The following OSBPL8 variants were observed in gnomAD, a reference collection of about 807,000 sequenced individuals.
The protein encoded by OSBPL8 is oxysterol binding protein like 8.
In OSBPL8, 59 loss-of-function variants were observed where a neutral mutation model predicts 125.5. The observed-to-expected ratio is 0.47, with a 90% CI of 0.38 to 0.58. The LOEUF (loss-of-function observed/expected upper bound fraction) is 0.58, where lower values mean the gene tolerates loss of function less well. Ranked by LOEUF, OSBPL8 falls within the 20% of genes least tolerant of loss-of-function variation. OSBPL8 has a pLI of 0.00. For missense variants in OSBPL8, 758 were observed against 1,047.8 expected (o/e 0.72, Z 3.82); for synonymous variants, 330 against 338.9 (o/e 0.97, Z 0.29).
chr12:76,356,162 T>TGGGGGGGGGGTTGGGGGGG, intron 23 of OSBPL8, 141 bp from the exon 24 acceptor site: 2 of 131,274 alleles, frequency 1.5e-5, no homozygotes, highest in Non-Finnish European at 3.1e-5. Flanking sequence ...TATGTAGGGG[T>TGGGGGGGGGGTTGGGGGGG]GGGGGGGGGC....
At chr12:76,443,975 T>G (rs1872493986) in intron 4 of OSBPL8, among the ~76,000 whole-genome samples, 1 of 152,142 alleles carries the variant, frequency 6.6e-6, no homozygotes, top group South Asian at 2.1e-4. Context: ...AAATACATAA[T>G]TTCTTGAATA....
rs1402667631 is a variant in OSBPL8, at chr12:76,355,757, C to A, written c.*132G>T. 3.2e-6 allele frequency: 3 copies of A among 944,152 alleles called. No homozygotes were observed. Among genetic ancestry groups the A allele is most frequent in the Non-Finnish European group, 4.6e-6 (3 of 649,818 alleles). The allele number at this position is 944,152 out of a possible 1,614,324, so 58.5% of individuals were successfully genotyped here. ...AGATAAAAGATACGAAAAGTCAATA[C>A]CTCTACATTTATCTCCTAGGTTTTT... On this transcript the variant is annotated 3_prime_UTR_variant, in exon 24 of 24. Coordinates refer to ENST00000261183, the MANE Select transcript of OSBPL8 (RefSeq NM_020841.5).
chr12:76,510,417 A>G (rs944376564), intron 1 of OSBPL8, among the ~76,000 whole-genome samples: 6 of 152,336 alleles, frequency 3.9e-5, no homozygotes, highest in African/African-American at 1.4e-4. Context: ...TAAGTTCAAT[A>G]AAAAACAAGA....
At chr12:76,428,625 C>T (rs191576872) in intron 4 of OSBPL8, among the ~76,000 whole-genome samples, 29 of 151,964 alleles carry the variant, frequency 1.9e-4, no homozygotes, top group African/African-American at 6.8e-4. Flanking sequence ...AGGATGAGTT[C>T]GAGAAAGATC....
intron 1 of OSBPL8, among the ~76,000 whole-genome samples, chr12:76,490,047 T>C (rs575880793): frequency 2.0e-5 from 3 of 152,284 alleles, no homozygotes; most frequent in African/African-American, 7.2e-5. Flanking sequence ...GCAAGACAAC[T>C]AGAATTAGAA....
At chr12:76,456,286 C>A (rs1000440404) in intron 3 of OSBPL8, among the ~76,000 whole-genome samples, 1 of 152,102 alleles carries the variant, frequency 6.6e-6, no homozygotes. Flanking sequence ...GTATAGATCA[C>A]GTACTTTTTT....
intron 21 of OSBPL8, among the ~76,000 whole-genome samples, chr12:76,362,028 C>T (rs1344478185): frequency 6.6e-6 from 1 of 152,076 alleles, no homozygotes; most frequent in Non-Finnish European, 1.5e-5. Context: ...AATAATTTTG[C>T]AAAATCTTAT....
At chr12:76,493,542 A>G (rs1457611562) in intron 1 of OSBPL8, among the ~76,000 whole-genome samples, 2 of 152,180 alleles carry the variant, frequency 1.3e-5, no homozygotes, top group South Asian at 4.1e-4. Context: ...TTAAATAAAT[A>G]TATTATTCTA....
intron 9 of OSBPL8, among the ~76,000 whole-genome samples, chr12:76,393,142 T>C (rs1036772676): frequency 4.6e-5 from 7 of 152,238 alleles, no homozygotes; most frequent in African/African-American, 1.7e-4. Flanking sequence ...ATAGGAGGTC[T>C]ATCCTCAAGA....
At chr12:76,459,157 A>G (rs1444880952) in intron 3 of OSBPL8, among the ~76,000 whole-genome samples, 1 of 152,174 alleles carries the variant, frequency 6.6e-6, no homozygotes, top group Non-Finnish European at 1.5e-5. Flanking sequence ...CCTCTATAAA[A>G]TTAATGCTTC....
intron 1 of OSBPL8, among the ~76,000 whole-genome samples, chr12:76,504,083 G>A (rs1388903211): frequency 7.2e-6 from 1 of 138,606 alleles, no homozygotes. Context: ...ACCACTTAAA[G>A]GCCAAAAAAA....
intron 1 of OSBPL8, among the ~76,000 whole-genome samples, chr12:76,492,169 G>A (rs1878786924): frequency 1.3e-5 from 2 of 152,200 alleles, no homozygotes; most frequent in Non-Finnish European, 2.9e-5. Context: ...AAATAGGATG[G>A]CCATAGTAGG....
At chr12:76,475,454 C>T (rs79710649) in intron 2 of OSBPL8, among the ~76,000 whole-genome samples, 1 of 152,312 alleles carries the variant, frequency 6.6e-6, no homozygotes, top group Admixed American at 6.5e-5. Flanking sequence ...GAGTAAATGA[C>T]ACAGTCTGTT....
chr12:76,456,311 T>C (rs1565911672), intron 3 of OSBPL8, among the ~76,000 whole-genome samples: 1 of 152,200 alleles, frequency 6.6e-6, no homozygotes, highest in Non-Finnish European at 1.5e-5. Flanking sequence ...CTATAGTACA[T>C]GATACTAATC....
chr12:76,493,752 T>C (rs1878983127), intron 1 of OSBPL8, among the ~76,000 whole-genome samples: 1 of 152,200 alleles, frequency 6.6e-6, no homozygotes, highest in Admixed American at 6.5e-5. Flanking sequence ...TTCTCTCTTT[T>C]CCAAGATCAG....
At chr12:76,373,455 A>G in intron 17 of OSBPL8, 22 bp from the exon 18 acceptor site, 1 of 1,510,262 alleles carries the variant, frequency 6.6e-7, no homozygotes, top group Non-Finnish European at 9.1e-7. Context: ...GAAAATGTTA[A>G]ACATTTTACT....
chr12:76,468,564 A>G (rs1183943089), intron 2 of OSBPL8, among the ~76,000 whole-genome samples: 1 of 152,238 alleles, frequency 6.6e-6, no homozygotes, highest in East Asian at 1.9e-4. Flanking sequence ...TAAAACTAGA[A>G]CAGAGCTTTG....
chr12:76,364,938 T>A (rs546270708), intron 21 of OSBPL8, among the ~76,000 whole-genome samples: 38 of 152,154 alleles, frequency 2.5e-4, no homozygotes, highest in Non-Finnish European at 5.3e-4. Context: ...TTGTGGCGAA[T>A]CTGTAGGTTG....
chr12:76,402,017 G>C (rs573352549), intron 6 of OSBPL8, among the ~76,000 whole-genome samples: 1 of 152,192 alleles, frequency 6.6e-6, no homozygotes, highest in African/African-American at 2.4e-5. Context: ...AAACAGACTA[G>C]ACATAATACA....
Sources: allele counts gnomAD v4.1 joint callset (sites outside exome capture counted in the v4.1 genomes callset), GRCh38; gene constraint gnomAD v4.1.1; transcripts MANE v1.5; gene names NCBI Gene and HGNC (gene_info 2026-07-23, HGNC 2026-07-21).